The following DPYD variants were observed in gnomAD, a reference collection of about 807,000 sequenced individuals.
The protein encoded by DPYD is dihydropyrimidine dehydrogenase [NADP(+)].
Under a neutral mutation model 116.2 loss-of-function variants are expected in DPYD, and 109 were observed. The ratio of observed to expected loss-of-function variants is 0.94; its 90% CI spans 0.80 to 1.10. The LOEUF (loss-of-function observed/expected upper bound fraction) is 1.10, where lower values mean the gene tolerates loss of function less well. Among genes scored for constraint, DPYD ranks in the 50% least tolerant of loss-of-function variants. The probability of loss-of-function intolerance (pLI) is 0.00; values close to 1 mark genes in which losing one functional copy is unlikely to be tolerated. For missense variants in DPYD, 1,302 were observed against 1,254.5 expected, an observed-to-expected ratio of 1.04 and a Z score of -0.57; for synonymous variants, 440 against 432.0, an observed-to-expected ratio of 1.02 and a Z score of -0.23.
Position 97,415,139 on chromosome 1 carries a change from A to G in DPYD, c.1906-32678T>C, listed in dbSNP as rs1331900620. Among the ~76,000 whole-genome samples the G allele has an allele frequency of 6.0e-5, 9 of 149,652 alleles. No individual in the cohort carries two copies. In the Admixed American group the frequency reaches 6.0e-4, roughly 10 times the overall value. On this transcript the variant is annotated intron_variant, in intron 14 of 22. Coordinates refer to ENST00000370192, the MANE Select transcript of DPYD (RefSeq NM_000110.4). Reference sequence around the variant, plus strand: ...CCAGAACAAAAGCAAACAAAACTCTACAAAACCAGAATAAAGGCAAACAAA... The same window carrying G: ...CCAGAACAAAAGCAAACAAAACTCTGCAAAACCAGAATAAAGGCAAACAAA...
At chr1:97,094,627 T>C (rs1221483779) in intron 21 of DPYD, among the ~76,000 whole-genome samples, 1 of 152,058 alleles carries the variant, frequency 6.6e-6, no homozygotes, top group East Asian at 1.9e-4. Flanking sequence ...ATCAGTTTAG[T>C]TCTAAGTATG....
intron 11 of DPYD, among the ~76,000 whole-genome samples, chr1:97,553,656 G>A (rs2102101713): frequency 6.6e-6 from 1 of 152,112 alleles, no homozygotes. Context: ...TAGAAGGATT[G>A]TATTATTCCT....
chr1:97,678,435 A>T (rs1005444296), intron 8 of DPYD, among the ~76,000 whole-genome samples: 1 of 152,150 alleles, frequency 6.6e-6, no homozygotes, highest in African/African-American at 2.4e-5. Context: ...AGTACAAATC[A>T]TATCAGAGAA....
intron 19 of DPYD, 57 bp downstream of exon 19, chr1:97,234,795 T>C: frequency 8.1e-6 from 13 of 1,606,910 alleles, no homozygotes; most frequent in Admixed American, 1.7e-5. Flanking sequence ...TCACATAACT[T>C]ACATTGCATT....
intron 16 of DPYD, among the ~76,000 whole-genome samples, chr1:97,314,130 T>C (rs1667674814): frequency 6.6e-6 from 1 of 151,918 alleles, no homozygotes; most frequent in African/African-American, 2.4e-5. Context: ...TGGAGAGAAC[T>C]GTCTCCTACT....
intron 8 of DPYD, among the ~76,000 whole-genome samples, chr1:97,643,804 A>T (rs1658077702): frequency 6.6e-6 from 1 of 152,160 alleles, no homozygotes; most frequent in South Asian, 2.1e-4. Context: ...GAAGCTGGAA[A>T]CCATCATTCT....
rs1251216324 is a variant in DPYD, at chr1:97,373,633, T to C, written c.1986A>G (p.Ala662=). 1 of 1,613,788 alleles carries C rather than the reference T, an allele frequency of 6.2e-7. No individual in the cohort carries two copies. ...ELAKKSEDSG[A]DALELNLSCP... ...ATGATAAATTTAACTCCAGGGCATC[T>C]GCTCCAGAATCCTTTAAACAAGAAA... The change falls in exon 16 of 23, where the codon GCA becomes GCG. Residue 662 remains alanine, a synonymous_variant. Transcript: ENST00000370192.
intron 13 of DPYD, among the ~76,000 whole-genome samples, chr1:97,473,916 G>T (rs1037931499): frequency 2.6e-5 from 4 of 151,650 alleles, no homozygotes; most frequent in African/African-American, 9.7e-5. Flanking sequence ...GGAGGCTGAG[G>T]TGGGAGGATC....
rs1436448426 is a variant in DPYD, at chr1:97,577,932, G to A, written c.1129-3962C>T. Among the ~76,000 whole-genome samples, 3 of 151,830 alleles carry A rather than the reference G, an allele frequency of 2.0e-5. No individual in the cohort carries two copies. The East Asian group carries it at 5.8e-4, about 29-fold the overall frequency. ...AAGATCTCAGCTCACTGCAGTCTCC[G>A]CCTCCCCAGTTCAAGTGATTCTCCT... On this transcript the variant is annotated intron_variant, in intron 10 of 22. Transcript: ENST00000370192.
chr1:97,115,681 T>C (rs771743304), intron 20 of DPYD, among the ~76,000 whole-genome samples: 1 of 152,218 alleles, frequency 6.6e-6, no homozygotes, highest in Non-Finnish European at 1.5e-5. Flanking sequence ...TAAAAACCTA[T>C]GCAGGAAGAA....
rs1330068876 is a variant in DPYD, at chr1:97,102,409, ATATATATATATG to A, written c.2623-3789_2623-3778del. ...ATCACTCAGTATCATATATATATAT[ATATATATATATG>A]TATATATGTATCTTATTCAGTATAA... On this transcript the variant is annotated intron_variant, in intron 20 of 22. Transcript: ENST00000370192. Among the ~76,000 whole-genome samples the A allele has an allele frequency of 3.5e-5, 5 of 141,772 alleles. No individual in the cohort carries two copies. In the East Asian group the frequency reaches 8.4e-4, roughly 24 times the overall value. The allele number at this position is 141,772 out of a possible 152,430, so 93.0% of individuals were successfully genotyped here.
At chr1:97,619,958 A>G (rs1162065550) in intron 8 of DPYD, among the ~76,000 whole-genome samples, 1 of 152,152 alleles carries the variant, frequency 6.6e-6, no homozygotes. Context: ...AATACAAAAA[A>G]GCTGAAAGCT....
intron 20 of DPYD, among the ~76,000 whole-genome samples, chr1:97,149,679 C>T (rs1356487224): frequency 6.6e-6 from 1 of 152,168 alleles, no homozygotes; most frequent in Non-Finnish European, 1.5e-5. Flanking sequence ...ATCCAAGCCT[C>T]CCAGTTTAAA....
intron 8 of DPYD, among the ~76,000 whole-genome samples, chr1:97,633,896 C>T (rs535990231): frequency 6.6e-6 from 1 of 152,074 alleles, no homozygotes; most frequent in East Asian, 1.9e-4. Context: ...GCGTTGACTC[C>T]CCATTTGCAG....
chr1:97,893,213 G>T (rs990770161), intron 1 of DPYD, among the ~76,000 whole-genome samples: 1 of 151,132 alleles, frequency 6.6e-6, no homozygotes, highest in African/African-American at 2.4e-5. Flanking sequence ...AAGACAACAG[G>T]TGAGAAAATA....
At chr1:97,616,971 C>T (rs570409370) in intron 8 of DPYD, among the ~76,000 whole-genome samples, 9 of 152,092 alleles carry the variant, frequency 5.9e-5, no homozygotes, top group South Asian at 4.2e-4. Flanking sequence ...CTGCAACCTC[C>T]GCCTCCCGGG....
chr1:97,235,746 C>T (rs1432979515), intron 18 of DPYD, among the ~76,000 whole-genome samples: 2 of 151,914 alleles, frequency 1.3e-5, no homozygotes, highest in Admixed American at 6.6e-5. Context: ...GCAGATGTTG[C>T]GAACATAGAC....
At chr1:97,404,271 T>A (rs192723944) in intron 14 of DPYD, among the ~76,000 whole-genome samples, 11 of 152,088 alleles carry the variant, frequency 7.2e-5, no homozygotes, top group African/African-American at 2.7e-4. Context: ...TGTTATTGAA[T>A]GTTGTTGTCT....
At chr1:97,140,862 T>G (rs886953902) in intron 20 of DPYD, among the ~76,000 whole-genome samples, 8 of 152,182 alleles carry the variant, frequency 5.3e-5, no homozygotes, top group Non-Finnish European at 1.0e-4. Context: ...TAGTGGGTTT[T>G]AAGAGAATAA....
Sources: gnomAD v4.1 joint callset for allele counts (sites outside exome capture counted in the v4.1 genomes callset) on GRCh38, gnomAD v4.1.1 for gene constraint, MANE v1.5 for transcripts, NCBI Gene and HGNC (gene_info 2026-07-23, HGNC 2026-07-21) for gene names.